ELAVL4: variants seen among roughly 807,000 people sequenced by gnomAD.
ELAVL4 encodes the protein ELAV like RNA binding protein 4.
ELAVL4 carries 1 observed loss-of-function variant against 35.6 expected under a neutral mutation model. The observed-to-expected ratio is 0.03, with a 90% CI of 0.01 to 0.13. The LOEUF is 0.13. Among genes scored for constraint, ELAVL4 ranks in the 10% least tolerant of loss-of-function variants. ELAVL4 has a pLI of 1.00. For missense variants in ELAVL4, 267 were observed against 464.9 expected (o/e 0.57, Z 3.91); for synonymous variants, 156 against 171.0 (o/e 0.91, Z 0.69).
At chr1:50,087,301 A>G (rs1160222833) in intron 1 of ELAVL4, among the ~76,000 whole-genome samples, 1 of 152,190 alleles carries the variant, frequency 6.6e-6, no homozygotes, top group Non-Finnish European at 1.5e-5. Context: ...CTAGGGACTT[A>G]GCCAAGGTGA....
chr1:50,166,475 A>G (rs188287932), intron 2 of ELAVL4, among the ~76,000 whole-genome samples: 110 of 152,366 alleles, frequency 7.2e-4, no homozygotes, highest in Middle Eastern at 6.8e-3. Flanking sequence ...GTATACATGC[A>G]CAAACATGTC....
intron 1 of ELAVL4, among the ~76,000 whole-genome samples, chr1:50,095,896 G>C (rs1665698294): frequency 6.6e-6 from 1 of 152,156 alleles, no homozygotes; most frequent in South Asian, 2.1e-4. Context: ...CAATGGATTT[G>C]TTGAGTTTGA....
chr1:50,195,606 A>G lies in ELAVL4; in HGVS notation c.554A>G (p.Glu185Gly). 1 of 1,614,178 alleles carries G rather than the reference A, an allele frequency of 6.2e-7. No individual in the cohort carries two copies. The highest frequency in any genetic ancestry group is 1.1e-5 in the South Asian group (1 of 91,086). Residue 185 changes from glutamate (E) to glycine (G), a missense_variant, in exon 5 of 7, where the codon GAG (glutamate) becomes GGG (glycine). Physicochemically the swap from Glu to Gly is moderately conservative, Grantham distance 98. Around this residue, in one of 2 missense-constraint regions of ELAVL4, gnomAD observed 216 missense variants for 409.5 expected, o/e 0.53. Transcript: ENST00000371824. ...TTCATCCGCTTTGATAAGAGGATTGAGGCAGAAGAAGCCATCAAAGGGCTG... is the reference window on the plus strand; with the variant it reads ...TTCATCCGCTTTGATAAGAGGATTGGGGCAGAAGAAGCCATCAAAGGGCTG... ...VGFIRFDKRI[E>G]AEEAIKGLNG...
chr1:50,193,366 G>GTTT (rs5774071), intron 3 of ELAVL4, among the ~76,000 whole-genome samples: 11 of 145,302 alleles, frequency 7.6e-5, no homozygotes, highest in Admixed American at 1.4e-4. Context: ...ATTTCATGAG[G>GTTT]TTTTTTTTTT....
chr1:50,119,644 G>A (rs546516669), intron 1 of ELAVL4, among the ~76,000 whole-genome samples: 2 of 152,052 alleles, frequency 1.3e-5, no homozygotes, highest in Admixed American at 1.3e-4. Context: ...AATTTTGGAG[G>A]CATGGGCTTG....
intron 1 of ELAVL4, among the ~76,000 whole-genome samples, chr1:50,053,362 TGTTTTTGAGACG>T (rs565780320): frequency 6.6e-6 from 1 of 152,330 alleles, no homozygotes; most frequent in South Asian, 2.1e-4. Flanking sequence ...TTATGTTTTG[TGTTTTTGAGACG>T]GTCTTGCTCT....
intron 2 of ELAVL4, 150 bp downstream of exon 2, chr1:50,145,347 A>G (rs921205495): frequency 1.7e-6 from 2 of 1,155,024 alleles, no homozygotes; most frequent in Non-Finnish European, 2.4e-6. Context: ...CACTACATAC[A>G]CCACATAAGA....
At chr1:50,190,993 G>T (rs1309416277) in intron 3 of ELAVL4, among the ~76,000 whole-genome samples, 1 of 152,070 alleles carries the variant, frequency 6.6e-6, no homozygotes, top group Non-Finnish European at 1.5e-5. Flanking sequence ...TTTAACCTTT[G>T]ATTAATCTCT....
At chr1:50,120,961 C>T (rs1026854583) in intron 1 of ELAVL4, among the ~76,000 whole-genome samples, 11 of 152,020 alleles carry the variant, frequency 7.2e-5, no homozygotes, top group South Asian at 4.1e-4. Flanking sequence ...TGCAAGTACA[C>T]GTACCAAAGC....
chr1:50,128,559 A>G (rs760061847), intron 1 of ELAVL4, among the ~76,000 whole-genome samples: 1 of 152,118 alleles, frequency 6.6e-6, no homozygotes, highest in East Asian at 1.9e-4. Context: ...ATAGAGAAAG[A>G]TAGGAGGCTG....
At chr1:50,161,024 G>C (rs781142458) in intron 2 of ELAVL4, among the ~76,000 whole-genome samples, 1 of 152,156 alleles carries the variant, frequency 6.6e-6, no homozygotes, top group Non-Finnish European at 1.5e-5. Flanking sequence ...TATGTAATTA[G>C]TATTAACCTG....
In ELAVL4 at chr1:50,122,754, G is replaced by C. The variant is rs551491963; in HGVS notation, c.9+13556G>C. On this transcript the variant is annotated intron_variant, in intron 1 of 6. Coordinates refer to ENST00000371824, the MANE Select transcript of ELAVL4 (RefSeq NM_001144774.3). The stretch of plus-strand genomic sequence containing the variant: ...TTGGAGAATGATAAATGGAAGGTGG[G>C]CTTCCTTAGAATGGAAAATTGTTAT... 1.8e-3 allele frequency among the ~76,000 whole-genome samples: 276 copies of C among 152,164 alleles called. 1 individual carries two copies. The highest frequency in any genetic ancestry group is 6.0e-3 in the African/African-American group (251 of 41,550).
At chr1:50,106,740 A>AATGC (rs1666351076), upstream of ELAVL4, among the ~76,000 whole-genome samples, 1 of 152,122 alleles carries the variant, frequency 6.6e-6, no homozygotes, top group South Asian at 2.1e-4. Flanking sequence ...TTGTTTGAGG[A>AATGC]TTCTGTTGAA....
At chr1:50,146,180 G>T (rs1673683170) in intron 2 of ELAVL4, among the ~76,000 whole-genome samples, 1 of 151,238 alleles carries the variant, frequency 6.6e-6, no homozygotes, top group African/African-American at 2.4e-5. Flanking sequence ...AAAGGAAGCT[G>T]CATCATTAAA....
intron 1 of ELAVL4, among the ~76,000 whole-genome samples, chr1:50,115,624 C>G (rs1387019503): frequency 6.6e-6 from 1 of 151,926 alleles, no homozygotes; most frequent in Non-Finnish European, 1.5e-5. Context: ...AGAGAAATGA[C>G]CCAGCGAAGA....
At position 50,118,981 on chromosome 1, in the gene ELAVL4, G is replaced by GGA. The variant is rs1210217099; in HGVS notation, c.9+9798_9+9799dup. ...GAGAGAGAGGGAGGGAGGGAGGGAG[G>GGA]GAGAGAGAGAGAGAGACAGAGAGAA... On this transcript the variant is annotated intron_variant, in intron 1 of 6. Transcript: ENST00000371824. 9.5e-4 allele frequency among the ~76,000 whole-genome samples: 120 copies of GGA among 125,964 alleles called. 2 individuals carry two copies. Among genetic ancestry groups the GGA allele is most frequent in the African/African-American group, 3.3e-3 (112 of 33,658 alleles). 82.6% of individuals were successfully genotyped at this position (125,964 alleles called of 152,430 possible).
At chr1:50,147,626 G>A (rs990307972) in intron 2 of ELAVL4, among the ~76,000 whole-genome samples, 2 of 152,140 alleles carry the variant, frequency 1.3e-5, no homozygotes, top group African/African-American at 2.4e-5. Context: ...GCTGCAGCTG[G>A]TGGTTCAGAA....
At chr1:50,150,988 C>T (rs1674687333) in intron 2 of ELAVL4, among the ~76,000 whole-genome samples, 1 of 152,130 alleles carries the variant, frequency 6.6e-6, no homozygotes, top group Non-Finnish European at 1.5e-5. Flanking sequence ...ATGGCCAATG[C>T]TTTTGAGTAC....
At chr1:50,158,649 A>G (rs909313334) in intron 2 of ELAVL4, among the ~76,000 whole-genome samples, 2 of 152,156 alleles carry the variant, frequency 1.3e-5, no homozygotes, top group Non-Finnish European at 2.9e-5. Flanking sequence ...CCCACTATGC[A>G]ATTCTGTCCT....
Sources: gnomAD v4.1 joint callset for allele counts (sites outside exome capture counted in the v4.1 genomes callset) on GRCh38, gnomAD v4.1.1 for gene constraint, gnomAD v4.1.1 regional missense constraint, MANE v1.5 for transcripts, NCBI Gene and HGNC (gene_info 2026-07-23, HGNC 2026-07-21) for gene names.